The following NFRKB variants were observed in gnomAD, a reference collection of about 807,000 sequenced individuals.
The protein encoded by NFRKB is nuclear factor related to kappa-B-binding protein.
In NFRKB, 62 loss-of-function variants were observed where a neutral mutation model predicts 135.7. The ratio of observed to expected loss-of-function variants is 0.46; its 90% CI spans 0.37 to 0.56. The LOEUF is 0.56. NFRKB is among the 20% of genes least tolerant of loss of function. The probability of loss-of-function intolerance (pLI) is 0.00; values close to 1 mark genes in which losing one functional copy is unlikely to be tolerated. For synonymous variants in NFRKB, 678 were observed against 635.6 expected (o/e 1.07, Z -1.00); for missense variants, 1,545 against 1,662.0 (o/e 0.93, Z 1.22).
chr11:129,878,931 A>G (rs557767607), intron 13 of NFRKB, among the ~76,000 whole-genome samples: 1 of 152,356 alleles, frequency 6.6e-6, no homozygotes, highest in Admixed American at 6.5e-5. Flanking sequence ...ATACCAAGGT[A>G]ATTATTCTAT....
intron 25 of NFRKB, 38 bp downstream of exon 25, chr11:129,865,839 C>A (rs1299631131): frequency 6.3e-7 from 1 of 1,596,814 alleles, no homozygotes. Context: ...GCCACCTCCA[C>A]CCCCGAATTG....
chr11:129,865,308 C>T (rs932162366), intron 25 of NFRKB, among the ~76,000 whole-genome samples: 1 of 152,186 alleles, frequency 6.6e-6, no homozygotes, highest in Non-Finnish European at 1.5e-5. Flanking sequence ...TCCCAGAAGA[C>T]CCCAGTGCTC....
At position 129,882,599 on chromosome 11, in the gene NFRKB, C is replaced by G; in HGVS notation, c.934G>C (p.Val312Leu). 1 of 1,613,812 alleles carries G rather than the reference C, an allele frequency of 6.2e-7. No individual in the cohort carries two copies. Among genetic ancestry groups the G allele is most frequent in the Non-Finnish European group, 8.5e-7 (1 of 1,179,992 alleles). The change falls in exon 10 of 27, where the codon GTT (valine) becomes CTT (leucine). Residue 312 changes from valine to leucine, a missense_variant. Physicochemically the swap from Val to Leu is conservative, Grantham distance 32 (BLOSUM62 1). This residue lies in a region of NFRKB where 678 missense variants were observed against 646.7 expected (regional missense o/e 1.05). Transcript: ENST00000682444. The part of the protein sequence containing the change: ...LYDLAVLKKK[V>L]KEKEEKKKKK... Reference sequence around the variant, plus strand: ...TTCTTCTTTTCCTCTTTTTCCTTAACCTTTTTTTTAAGGACAGCCAAGTCA... The same window carrying G: ...TTCTTCTTTTCCTCTTTTTCCTTAAGCTTTTTTTTAAGGACAGCCAAGTCA...
chr11:129,870,428 C>T (rs1267546392), intron 23 of NFRKB, among the ~76,000 whole-genome samples, 167 bp from the exon 24 acceptor site: 1 of 152,084 alleles, frequency 6.6e-6, no homozygotes, highest in Non-Finnish European at 1.5e-5. Flanking sequence ...AACCCTTATA[C>T]CCTTTCACCC....
chr11:129,890,749 C>T lies in NFRKB; in HGVS notation c.136-1954G>A, dbSNP rs570061108. Among the ~76,000 whole-genome samples, 7 of 152,246 alleles carry T rather than the reference C, an allele frequency of 4.6e-5. No individual in the cohort carries two copies. In the South Asian group the frequency reaches 1.2e-3, roughly 27 times the overall value. ...GTAGCCACCTTAATGATGACAATGA[C>T]GCATCTTGCCTGTGAAAGTGGACAA... On this transcript the variant is annotated intron_variant, in intron 3 of 26. Transcript: ENST00000682444.
chr11:129,865,139 G>A (rs767192405), intron 25 of NFRKB, 38 bp from the exon 26 acceptor site: 5 of 1,588,854 alleles, frequency 3.1e-6, no homozygotes, highest in Admixed American at 1.7e-5. Flanking sequence ...TAATGATATC[G>A]ACAGGTATTC....
chr11:129,884,240 T>C (rs1949165605), intron 7 of NFRKB, 97 bp from the exon 8 acceptor site: 2 of 1,259,194 alleles, frequency 1.6e-6, no homozygotes, highest in Admixed American at 3.4e-5. Context: ...GTTTCCCTTC[T>C]GACACCTGTG....
chr11:129,877,882 G>A (rs1301248551), intron 15 of NFRKB, among the ~76,000 whole-genome samples: 2 of 152,040 alleles, frequency 1.3e-5, no homozygotes, highest in African/African-American at 2.4e-5. Context: ...AAGAAACATG[G>A]GACAATGTGA....
rs1211237885 is a variant in NFRKB, at chr11:129,884,055, C to A, written c.816+15G>T. On this transcript the variant is annotated intron_variant, in intron 8 of 26. Transcript: ENST00000682444. Reference sequence around the variant, plus strand: ...AGGCTGAAAACCACACGGCCGCACGCCCTTCCCATCTTACTGGCTGATGTT... The same window carrying A: ...AGGCTGAAAACCACACGGCCGCACGACCTTCCCATCTTACTGGCTGATGTT... The A allele has an allele frequency of 1.2e-6, 2 of 1,614,050 alleles. No homozygotes were observed. The highest frequency in any genetic ancestry group is 2.2e-5 in the South Asian group (2 of 91,068).
chr11:129,892,822 C>T lies in NFRKB; in HGVS notation c.28G>A (p.Asp10Asn). 6.2e-7 allele frequency: 1 copy of T among 1,614,204 alleles called. No individual in the cohort carries two copies. The highest frequency in any genetic ancestry group is 1.1e-5 in the South Asian group (1 of 91,090). The change falls in exon 3 of 27, where the codon GAT becomes AAT. Residue 10 changes from aspartate (D) to asparagine (N), a missense_variant. By Grantham distance (23) the Asp-to-Asn change is conservative (BLOSUM62 1). Transcript: ENST00000682444. ...CCACACGGACCAAGTTCCAGAGGAT[C>T]TGTCAGCATATGGTCTAAGGAATCC... The part of the protein sequence containing the change: MDSLDHMLT[D>N]PLELGPCGDG...
chr11:129,870,360 A>ATT, intron 23 of NFRKB, 99 bp from the exon 24 acceptor site: 13 of 1,274,518 alleles, frequency 1.0e-5, no homozygotes, highest in African/African-American at 7.6e-5. Context: ...GATGTTTTGT[A>ATT]TTTTTTTTTT....
At chr11:129,870,488 GGGGA>G (rs1015442022) in intron 23 of NFRKB, among the ~76,000 whole-genome samples, 56 of 152,232 alleles carry the variant, frequency 3.7e-4, no homozygotes, top group African/African-American at 1.3e-3. Flanking sequence ...CACTGTGGTG[GGGGA>G]GGGAGGAATT....
chr11:129,863,828 G>A lies in NFRKB; in HGVS notation c.*897C>T, dbSNP rs1948068508. ...ACAAAAACAAATGGCCAGCCCCAAG[G>A]GCCTGGTTTGCAACTCTTGCTCTGG... On this transcript the variant is annotated 3_prime_UTR_variant, in exon 27 of 27. Transcript: ENST00000682444. 6.6e-6 allele frequency: 1 copy of A among 152,322 alleles called. No homozygotes were observed. Among genetic ancestry groups the A allele is most frequent in the Non-Finnish European group, 1.5e-5 (1 of 68,072 alleles). 9.4% of individuals were successfully genotyped at this position (152,322 alleles called of 1,614,324 possible). A position where few individuals can be genotyped will look rare whatever the true frequency, so the allele number is the denominator to read the frequency against.
rs773202590 is a variant in NFRKB, at chr11:129,888,455, G to A, written c.337+139C>T. 8.1e-6 allele frequency: 7 copies of A among 860,866 alleles called. No homozygotes were observed. In the Admixed American group the frequency reaches 1.2e-4, roughly 15 times the overall value. The allele number at this position is 860,866 out of a possible 1,614,324, so 53.3% of individuals were successfully genotyped here. A position where few individuals can be genotyped will look rare whatever the true frequency, so the allele number is the denominator to read the frequency against. On this transcript the variant is annotated intron_variant, in intron 4 of 26. Coordinates refer to ENST00000682444, the MANE Select transcript of NFRKB (RefSeq NM_001143835.2). The stretch of plus-strand genomic sequence containing the variant: ...TAGAACACAGCCTAGACAGCAAAGT[G>A]TTACACAAAACCGCTCTTTGCTGCC...
intron 2 of NFRKB, chr11:129,893,389 C>CA (rs375172554): frequency 0.17 from 19,527 of 115,188 alleles, 2,739 homozygotes; most frequent in East Asian, 0.28. Flanking sequence ...CCCTTCTCTA[C>CA]AAAAAAAAAA....
In NFRKB at chr11:129,864,622, G is replaced by A; in HGVS notation, c.*103C>T. 6.5e-7 allele frequency: 1 copy of A among 1,535,766 alleles called. No individual in the cohort carries two copies. Among genetic ancestry groups the A allele is most frequent in the Admixed American group, 1.7e-5 (1 of 57,656 alleles). On this transcript the variant is annotated 3_prime_UTR_variant, in exon 27 of 27. Coordinates refer to ENST00000682444, the MANE Select transcript of NFRKB (RefSeq NM_001143835.2). ...CGTTGCCATCACCCCTCGCCTGGCTGCCTTGAACAGGCAAGCTTAAAACAA... is the reference window on the plus strand; with the variant it reads ...CGTTGCCATCACCCCTCGCCTGGCTACCTTGAACAGGCAAGCTTAAAACAA...
chr11:129,883,260 G>A, intron 8 of NFRKB, 54 bp from the exon 9 acceptor site: 2 of 1,443,464 alleles, frequency 1.4e-6, no homozygotes, highest in South Asian at 2.3e-5. Context: ...AGCAAAAACT[G>A]AGGTGACTTT....
Position 129,864,870 on chromosome 11 carries a change from G to A in NFRKB, c.3775-20C>T. 1 of 1,614,240 alleles carries A rather than the reference G, an allele frequency of 6.2e-7. No homozygotes were observed. The highest frequency in any genetic ancestry group is 1.1e-5 in the South Asian group (1 of 91,088). On this transcript the variant is annotated intron_variant, in intron 26 of 26. Coordinates refer to ENST00000682444, the MANE Select transcript of NFRKB (RefSeq NM_001143835.2). ...GCGCACCTGTTTGCAAAGACAGAAG[G>A]TCAGGTCAATGGATTGCAAGCGGGC...
chr11:129,880,942 C>G (rs2135661224), intron 13 of NFRKB, among the ~76,000 whole-genome samples: 1 of 152,346 alleles, frequency 6.6e-6, no homozygotes, highest in Non-Finnish European at 1.5e-5. Flanking sequence ...TTCACCATCA[C>G]CAGGTAACAG....
Sources: allele counts gnomAD v4.1 joint callset (sites outside exome capture counted in the v4.1 genomes callset), GRCh38; gene constraint gnomAD v4.1.1; regional missense constraint gnomAD v4.1.1; transcripts MANE v1.5; gene names NCBI Gene and HGNC (gene_info 2026-07-23, HGNC 2026-07-21).